Variants in AKAP19 observed in about 807,000 individuals in gnomAD.
The protein encoded by AKAP19 is A-kinase anchoring protein 19, also known as small A-kinase anchoring protein.
the AKAP19 span, among the ~76,000 whole-genome samples, chr2:190,141,919 C>T: frequency 2.3e-4 from 35 of 152,048 alleles, no homozygotes; most frequent in Non-Finnish European, 3.4e-4. Flanking sequence ...AAAGGCTTAG[C>T]GGGAGGATTC....
chr2:189,911,418 A>G, the AKAP19 span, among the ~76,000 whole-genome samples: 3 of 152,152 alleles, frequency 2.0e-5, no homozygotes, highest in African/African-American at 7.2e-5. Context: ...ACTTTCCTAA[A>G]ATTTTTCAAG....
chr2:190,188,125 G>T, the AKAP19 span, among the ~76,000 whole-genome samples: 1 of 152,136 alleles, frequency 6.6e-6, no homozygotes, highest in South Asian at 2.1e-4. Flanking sequence ...GGCACTGTTA[G>T]ATTTTAATAC....
the AKAP19 span, among the ~76,000 whole-genome samples, chr2:190,046,955 A>G: frequency 6.6e-6 from 1 of 152,176 alleles, no homozygotes; most frequent in African/African-American, 2.4e-5. Context: ...CCAGATTTTA[A>G]AAGGGACTTT....
At chr2:189,993,714 T>C in the AKAP19 span, among the ~76,000 whole-genome samples, 1 of 152,184 alleles carries the variant, frequency 6.6e-6, no homozygotes, top group African/African-American at 2.4e-5. Flanking sequence ...TCAGTTTCTA[T>C]TTCTTCCTGA....
chr2:189,956,989 A>C, the AKAP19 span, among the ~76,000 whole-genome samples: 2 of 152,214 alleles, frequency 1.3e-5, no homozygotes, highest in Non-Finnish European at 2.9e-5. Context: ...CAGCCTGGCC[A>C]ATATGGTAAA....
At chr2:190,070,113 T>G in the AKAP19 span, among the ~76,000 whole-genome samples, 1 of 152,194 alleles carries the variant, frequency 6.6e-6, no homozygotes, top group Non-Finnish European at 1.5e-5. Flanking sequence ...AGTGCCACAG[T>G]GGTGCCCTTT....
the AKAP19 span, among the ~76,000 whole-genome samples, chr2:190,184,193 T>C: frequency 6.6e-5 from 10 of 152,280 alleles, no homozygotes; most frequent in African/African-American, 2.4e-4. Flanking sequence ...CACAAGGGGC[T>C]GAAGGTAACA....
chr2:190,178,734 T>C, the AKAP19 span, among the ~76,000 whole-genome samples: 21 of 152,158 alleles, frequency 1.4e-4, no homozygotes, highest in African/African-American at 5.1e-4. The surrounding 1 kb of genome is among the most constrained non-coding windows in gnomAD (Gnocchi z 6.3). Flanking sequence ...TCAAACTGAG[T>C]GAAAGAAATT....
chr2:190,025,871 CT>C, the AKAP19 span, among the ~76,000 whole-genome samples: 74 of 152,266 alleles, frequency 4.9e-4, no homozygotes, highest in Non-Finnish European at 2.5e-4. Context: ...AGTATATAGC[CT>C]TTTAAATCTC....
At chr2:190,192,136 A>G in the AKAP19 span, among the ~76,000 whole-genome samples, 1 of 152,096 alleles carries the variant, frequency 6.6e-6, no homozygotes, top group Non-Finnish European at 1.5e-5. Context: ...TATAAAGTAT[A>G]AGGTATAAGT....
chr2:189,984,079 G>A, the AKAP19 span, among the ~76,000 whole-genome samples: 2 of 152,120 alleles, frequency 1.3e-5, no homozygotes, highest in African/African-American at 2.4e-5. Flanking sequence ...ACCACAGGAC[G>A]GAGGCAAAAT....
At chr2:190,196,623 T>C in the AKAP19 span, among the ~76,000 whole-genome samples, 1 of 152,050 alleles carries the variant, frequency 6.6e-6, no homozygotes, top group African/African-American at 2.4e-5. Context: ...TAATACCTTG[T>C]AAGGCATCTG....
chr2:189,987,232 G>A, the AKAP19 span, among the ~76,000 whole-genome samples: 1 of 152,128 alleles, frequency 6.6e-6, no homozygotes, highest in Non-Finnish European at 1.5e-5. Context: ...GGGTTTATGA[G>A]GGGGTTTCTG....
chr2:189,935,199 A>T, the AKAP19 span, among the ~76,000 whole-genome samples: 1 of 152,036 alleles, frequency 6.6e-6, no homozygotes, highest in Admixed American at 6.6e-5. Flanking sequence ...GTGTTTTGGC[A>T]TATTGTTGCT....
chr2:190,159,586 A>C, the AKAP19 span, among the ~76,000 whole-genome samples: 1 of 152,036 alleles, frequency 6.6e-6, no homozygotes, highest in Non-Finnish European at 1.5e-5. Context: ...TTGTTTTGTG[A>C]AGCTCAGTGT....
chr2:190,007,720 G>T, the AKAP19 span, among the ~76,000 whole-genome samples: 2 of 152,204 alleles, frequency 1.3e-5, no homozygotes, highest in East Asian at 3.8e-4. Context: ...TAGCACTTTG[G>T]GAGGCTGAGG....
the AKAP19 span, among the ~76,000 whole-genome samples, chr2:190,112,044 C>G: frequency 6.6e-6 from 1 of 152,040 alleles, no homozygotes; most frequent in Non-Finnish European, 1.5e-5. Context: ...ACCACAGGCA[C>G]CTGCCACCAC....
At chr2:190,177,363 C>T in the AKAP19 span, among the ~76,000 whole-genome samples, 32 of 152,276 alleles carry the variant, frequency 2.1e-4, no homozygotes, top group East Asian at 4.2e-3. The surrounding 1 kb of genome is among the most constrained non-coding windows in gnomAD (Gnocchi z 4.6). Flanking sequence ...AATGAACACT[C>T]GCAAACTATG....
At chr2:190,141,167 A>G in the AKAP19 span, among the ~76,000 whole-genome samples, 9 of 152,184 alleles carry the variant, frequency 5.9e-5, no homozygotes, top group African/African-American at 1.9e-4. Flanking sequence ...AGGAAGTTCC[A>G]AACATTCCCA....
Sources: gnomAD v4.1 joint callset for allele counts (sites outside exome capture counted in the v4.1 genomes callset) on GRCh38, gnomAD v4.1.1 for gene constraint, Gnocchi (gnomAD v3.1) non-coding constraint, MANE v1.5 for transcripts, NCBI Gene and HGNC (gene_info 2026-07-23, HGNC 2026-07-21) for gene names.